Variants in GLT8D2 observed in about 807,000 individuals in gnomAD.
GLT8D2 encodes glycosyltransferase 8 domain-containing protein 2.
GLT8D2 carries 45 observed loss-of-function variants against 44.5 expected under a neutral mutation model. That is an observed-to-expected ratio of 1.01 (90% CI 0.80 to 1.30). The LOEUF (loss-of-function observed/expected upper bound fraction) is 1.30, where lower values mean the gene tolerates loss of function less well. Among genes scored for constraint, GLT8D2 ranks in the 50% most tolerant of loss-of-function variants. The pLI, the probability that GLT8D2 is intolerant of heterozygous loss-of-function variation, is 0.00. For synonymous variants in GLT8D2, 156 were observed against 157.2 expected (o/e 0.99, Z 0.06); for missense variants, 400 against 430.4 (o/e 0.93, Z 0.62).
At chr12:103,989,699 T>G in intron 10 of GLT8D2, 122 bp from the exon 11 acceptor site, 1 of 827,098 alleles carries the variant, frequency 1.2e-6, no homozygotes, top group Non-Finnish European at 1.8e-6. Flanking sequence ...TACAGTGAAT[T>G]TTCTACCCAC....
In GLT8D2 at chr12:104,026,053, C is replaced by T. The variant is rs752397100; in HGVS notation, c.-163-4562G>A. ...CAGCACTTTGGGAGGCTGAGGCTGG[C>T]GGATCACTTCAGGCCAGGAATGCAA... is the stretch of plus-strand genomic sequence containing the variant. On this transcript the variant is annotated intron_variant, in intron 1 of 10. Coordinates refer to ENST00000360814, the MANE Select transcript of GLT8D2 (RefSeq NM_001384711.1). Among the ~76,000 whole-genome samples the T allele has an allele frequency of 4.6e-5, 7 of 151,884 alleles. No homozygotes were observed. The South Asian group carries it at 8.3e-4, about 18-fold the overall frequency.
intron 1 of GLT8D2, among the ~76,000 whole-genome samples, chr12:104,046,519 C>T (rs542096969): frequency 3.9e-5 from 6 of 152,202 alleles, no homozygotes; most frequent in Non-Finnish European, 8.8e-5. Context: ...CTACAGCCAA[C>T]CACTTTCCAT....
intron 3 of GLT8D2, among the ~76,000 whole-genome samples, chr12:104,016,792 AAGG>A: frequency 2.1e-5 from 3 of 143,772 alleles, no homozygotes; most frequent in East Asian, 4.1e-4. Flanking sequence ...GGAAGGAAGG[AAGG>A]AAGGAAGGAA....
chr12:104,051,446 T>C (rs182462371), upstream of GLT8D2, among the ~76,000 whole-genome samples: 57 of 152,340 alleles, frequency 3.7e-4, no homozygotes, highest in Admixed American at 7.2e-4. Context: ...CTTTGTTTTG[T>C]CTTTAAATTT....
At chr12:104,053,894 A>G (rs1480189965), upstream of GLT8D2, among the ~76,000 whole-genome samples, 3 of 152,028 alleles carry the variant, frequency 2.0e-5, no homozygotes, top group East Asian at 5.8e-4. Flanking sequence ...AAAAAAAAAA[A>G]GTAATATTTA....
Position 103,991,311 on chromosome 12 carries a change from C to T in GLT8D2, c.881-1734G>A, listed in dbSNP as rs573848986. ...AGGCTATTCTCCTGCATCAGCCTCC[C>T]GAATAACTGGGATTACAGGTGTGTG... On this transcript the variant is annotated intron_variant, in intron 10 of 10. Coordinates refer to ENST00000360814, the MANE Select transcript of GLT8D2 (RefSeq NM_001384711.1). Among the ~76,000 whole-genome samples the T allele has an allele frequency of 3.9e-5, 6 of 152,252 alleles. No homozygotes were observed. The South Asian group carries it at 6.2e-4, about 16-fold the overall frequency.
chr12:104,037,038 C>T (rs146196051), intron 1 of GLT8D2, among the ~76,000 whole-genome samples: 97 of 152,278 alleles, frequency 6.4e-4, no homozygotes, highest in African/African-American at 2.3e-3. Context: ...TACATGGAAA[C>T]CGAACAACCT....
intron 1 of GLT8D2, among the ~76,000 whole-genome samples, chr12:104,028,636 C>T (rs1167372705): frequency 6.6e-6 from 1 of 152,094 alleles, no homozygotes; most frequent in African/African-American, 2.4e-5. Context: ...TCTGTAATAC[C>T]ATTTTACAAT....
intron 1 of GLT8D2, among the ~76,000 whole-genome samples, chr12:104,025,019 G>C (rs896852080): frequency 2.8e-5 from 4 of 140,610 alleles, no homozygotes; most frequent in African/African-American, 1.1e-4. Flanking sequence ...GCAGTGAGCC[G>C]AGATTGTGCC....
intron 10 of GLT8D2, 112 bp from the exon 11 acceptor site, chr12:103,989,689 T>A: frequency 3.1e-6 from 3 of 969,704 alleles, no homozygotes; most frequent in Non-Finnish European, 4.5e-6. Context: ...AAAAAGGTTA[T>A]ACAGTGAATT....
chr12:104,004,322 G>A (rs1262845930), intron 4 of GLT8D2, among the ~76,000 whole-genome samples: 1 of 152,160 alleles, frequency 6.6e-6, no homozygotes, highest in Non-Finnish European at 1.5e-5. Context: ...ACTGGCACAA[G>A]ACAGGGATGC....
chr12:104,031,635 A>C lies in GLT8D2; in HGVS notation c.-163-10144T>G, dbSNP rs1255726059. ...CACCTGCACATGTCACACTGACCAC[A>C]TCTGTAGACATCTTGAGTTGTAGCT... On this transcript the variant is annotated intron_variant, in intron 1 of 10. Coordinates refer to ENST00000360814, the MANE Select transcript of GLT8D2 (RefSeq NM_001384711.1). The C allele has an allele frequency of 1.4e-4, 175 of 1,219,822 alleles. 1 individual carries two copies. Among genetic ancestry groups the C allele is most frequent in the Non-Finnish European group, 2.0e-4 (170 of 852,614 alleles). 75.6% of individuals were successfully genotyped at this position (1,219,822 alleles called of 1,614,324 possible). A position where few individuals can be genotyped will look rare whatever the true frequency, so the allele number is the denominator to read the frequency against.
chr12:104,057,723 T>G (rs1413513214), intron 1 of GLT8D2, among the ~76,000 whole-genome samples: 1 of 152,148 alleles, frequency 6.6e-6, no homozygotes, highest in Non-Finnish European at 1.5e-5. Flanking sequence ...CTTTGAAGGG[T>G]GTTGGCTTGC....
intron 4 of GLT8D2, among the ~76,000 whole-genome samples, chr12:104,004,460 T>C (rs1381399797): frequency 6.6e-6 from 1 of 152,162 alleles, no homozygotes; most frequent in Non-Finnish European, 1.5e-5. Flanking sequence ...GCAGATGACA[T>C]GATTGTATAT....
In GLT8D2 at chr12:104,033,973, A is replaced by T. The variant is rs141729875; in HGVS notation, c.-163-12482T>A. Among the ~76,000 whole-genome samples, 10 of 152,282 alleles carry T rather than the reference A, an allele frequency of 6.6e-5. No homozygotes were observed. The East Asian group carries it at 1.9e-3, about 29-fold the overall frequency. The stretch of plus-strand genomic sequence containing the variant: ...ACTGAGATTACAGGCTTGAGCTACC[A>T]GGGTTGGCTGAATATATACATTTTT... On this transcript the variant is annotated intron_variant, in intron 1 of 10. Transcript: ENST00000360814.
chr12:104,048,415 G>C (rs1224440972), intron 1 of GLT8D2, among the ~76,000 whole-genome samples: 4 of 152,204 alleles, frequency 2.6e-5, no homozygotes, highest in Non-Finnish European at 4.4e-5. Flanking sequence ...ATAGTTCACA[G>C]AGTTTCCCAT....
chr12:103,997,733 C>T (rs569713055), intron 6 of GLT8D2, among the ~76,000 whole-genome samples, 198 bp from the exon 7 acceptor site: 9 of 152,256 alleles, frequency 5.9e-5, no homozygotes, highest in Admixed American at 5.9e-4. Context: ...GAAGCCAGCG[C>T]TGACGGATCG....
In GLT8D2 at chr12:104,057,933, G is replaced by GATATCATCCTTAAT. The variant is rs1882319584; in HGVS notation, c.-423+6015_-423+6016insATTAAGGATGATAT. Reference sequence around the variant, plus strand: ...ATCAGTGCCCCTCATCCTTAATGGGGGATATCCCAGTAGTTTGGGAAGGCT... The same window carrying GATATCATCCTTAAT: ...ATCAGTGCCCCTCATCCTTAATGGGGATATCATCCTTAATGATATCCCAGTAGTTTGGGAAGGCT... On this transcript the variant is annotated intron_variant, in intron 1 of 10. Transcript: ENST00000548660. 2.0e-5 allele frequency among the ~76,000 whole-genome samples: 3 copies of GATATCATCCTTAAT among 152,166 alleles called. No individual in the cohort carries two copies. In the South Asian group the frequency reaches 6.2e-4, roughly 32 times the overall value.
chr12:103,989,296 A>G lies in GLT8D2; in HGVS notation c.*112T>C. 1.0e-6 allele frequency: 1 copy of G among 959,100 alleles called. No individual in the cohort carries two copies. The highest frequency in any genetic ancestry group is 1.5e-6 in the Non-Finnish European group (1 of 662,026). The allele number at this position is 959,100 out of a possible 1,614,324, so 59.4% of individuals were successfully genotyped here. A position where few individuals can be genotyped will look rare whatever the true frequency, so the allele number is the denominator to read the frequency against. The stretch of plus-strand genomic sequence containing the variant: ...GCACACAGTAGTTTTTGGTTTTTAT[A>G]TTGTGGATCATATGTATCAAAGGTA... On this transcript the variant is annotated 3_prime_UTR_variant, in exon 11 of 11. Transcript: ENST00000360814.
Sources: allele counts gnomAD v4.1 joint callset (sites outside exome capture counted in the v4.1 genomes callset), GRCh38; gene constraint gnomAD v4.1.1; transcripts MANE v1.5; gene names NCBI Gene and HGNC (gene_info 2026-07-23, HGNC 2026-07-21).